TTBK2: variants seen among roughly 807,000 people sequenced by gnomAD.
TTBK2 encodes the protein tau-tubulin kinase 2.
In TTBK2, 28 loss-of-function variants were observed where a neutral mutation model predicts 110.8. The ratio of observed to expected loss-of-function variants is 0.25; its 90% CI spans 0.19 to 0.35. The LOEUF is 0.35. Ranked by LOEUF, TTBK2 falls within the 10% of genes least tolerant of loss-of-function variation. The pLI is 1.00. For synonymous variants in TTBK2, 532 were observed against 527.3 expected (o/e 1.01, Z -0.12); for missense variants, 1,369 against 1,500.3 (o/e 0.91, Z 1.45).
chr15:42,760,393 A>C (rs951777828), intron 13 of TTBK2, among the ~76,000 whole-genome samples: 3 of 150,754 alleles, frequency 2.0e-5, no homozygotes, highest in Non-Finnish European at 4.4e-5. Context: ...TCAAAAAAAA[A>C]AAAAAAAAAA....
intron 10 of TTBK2, among the ~76,000 whole-genome samples, chr15:42,789,303 G>C (rs12904915): frequency 4.0e-5 from 6 of 149,736 alleles, no homozygotes; most frequent in African/African-American, 1.5e-4. Flanking sequence ...GTGTGTGTGT[G>C]TATATATATA....
At chr15:42,917,677 T>C (rs780287317) in intron 1 of TTBK2, among the ~76,000 whole-genome samples, 31 of 150,416 alleles carry the variant, frequency 2.1e-4, no homozygotes, top group Non-Finnish European at 4.1e-4. Flanking sequence ...TACAATATGC[T>C]GGATGACAAA....
At chr15:42,872,215 C>T (rs544915537) in intron 3 of TTBK2, among the ~76,000 whole-genome samples, 1 of 152,282 alleles carries the variant, frequency 6.6e-6, no homozygotes, top group South Asian at 2.1e-4. Context: ...GATTTGAAGG[C>T]AGCTTCCTTA....
intron 7 of TTBK2, among the ~76,000 whole-genome samples, chr15:42,815,377 T>C (rs768171990): frequency 6.6e-6 from 1 of 152,102 alleles, no homozygotes; most frequent in African/African-American, 2.4e-5. Flanking sequence ...CTATCATATA[T>C]TGGTCAAGTT....
chr15:42,809,124 A>G (rs1362592245), intron 9 of TTBK2, among the ~76,000 whole-genome samples: 1 of 152,220 alleles, frequency 6.6e-6, no homozygotes, highest in African/African-American at 2.4e-5. Context: ...TTTTTCAATT[A>G]TCCTTCTCCT....
chr15:42,771,098 C>T (rs549525792), intron 13 of TTBK2, among the ~76,000 whole-genome samples: 97 of 152,122 alleles, frequency 6.4e-4, no homozygotes, highest in African/African-American at 2.1e-3. Context: ...CCTCAGCCTC[C>T]GGAGTAGCCG....
intron 10 of TTBK2, among the ~76,000 whole-genome samples, chr15:42,785,059 A>T (rs1317048326): frequency 6.6e-6 from 1 of 152,096 alleles, no homozygotes; most frequent in African/African-American, 2.4e-5. Flanking sequence ...GTGTCAGATC[A>T]ATCAGCTATG....
chr15:42,895,177 T>C (rs1016240641), intron 1 of TTBK2, among the ~76,000 whole-genome samples: 5 of 152,338 alleles, frequency 3.3e-5, no homozygotes, highest in African/African-American at 1.2e-4. Context: ...CTCTAAAATC[T>C]ATGTGGATAA....
chr15:42,809,599 T>C (rs1031582870), intron 9 of TTBK2, among the ~76,000 whole-genome samples: 1 of 152,154 alleles, frequency 6.6e-6, no homozygotes, highest in African/African-American at 2.4e-5. Flanking sequence ...AGAAAATACA[T>C]ACAAAAGACA....
chr15:42,767,737 A>G (rs1889452682), intron 13 of TTBK2, among the ~76,000 whole-genome samples: 1 of 152,208 alleles, frequency 6.6e-6, no homozygotes, highest in Non-Finnish European at 1.5e-5. Context: ...ATAGAAAAAG[A>G]GGGCACCCTC....
intron 9 of TTBK2, among the ~76,000 whole-genome samples, chr15:42,795,556 C>G (rs1314384828): frequency 1.3e-5 from 2 of 152,118 alleles, no homozygotes; most frequent in African/African-American, 4.8e-5. Context: ...TGAGATTCAT[C>G]TTGTACATTT....
intron 13 of TTBK2, among the ~76,000 whole-genome samples, chr15:42,755,482 G>C (rs755214817): frequency 7.9e-5 from 12 of 151,774 alleles, no homozygotes; most frequent in Non-Finnish European, 1.2e-4. Flanking sequence ...GACATGTAAA[G>C]CTTGTCCTAA....
chr15:42,839,826 T>G (rs1309544689), intron 4 of TTBK2, among the ~76,000 whole-genome samples: 1 of 152,198 alleles, frequency 6.6e-6, no homozygotes, highest in East Asian at 1.9e-4. Flanking sequence ...TGGGACCCCT[T>G]CTTCACCTTC....
intron 10 of TTBK2, 148 bp from the exon 11 acceptor site, chr15:42,783,783 C>T (rs554464959): frequency 2.9e-5 from 21 of 730,364 alleles, no homozygotes; most frequent in African/African-American, 2.7e-4. Context: ...TTAGGTTGGC[C>T]GGGCATGGTG....
chr15:42,884,931 C>T (rs1156272316), intron 1 of TTBK2, among the ~76,000 whole-genome samples: 2 of 151,826 alleles, frequency 1.3e-5, no homozygotes, highest in African/African-American at 4.8e-5. Flanking sequence ...TCTTTGTAAT[C>T]TCCCCCACGC....
intron 3 of TTBK2, among the ~76,000 whole-genome samples, chr15:42,845,938 T>C (rs527910961): frequency 6.6e-6 from 1 of 152,286 alleles, no homozygotes; most frequent in African/African-American, 2.4e-5. Flanking sequence ...AGTATTTATG[T>C]ACCTAAACGT....
chr15:42,758,616 T>C (rs1036133193), intron 13 of TTBK2, among the ~76,000 whole-genome samples: 31 of 143,904 alleles, frequency 2.2e-4, no homozygotes, highest in Admixed American at 2.1e-4. Flanking sequence ...GATCGCACCA[T>C]TGCACTCCAG....
Position 42,795,879 on chromosome 15 carries a change from T to C in TTBK2, c.823-1078A>G, listed in dbSNP as rs1890917958. 2.0e-5 allele frequency among the ~76,000 whole-genome samples: 3 copies of C among 151,218 alleles called. 1 individual carries two copies. Among genetic ancestry groups the C allele is most frequent in the South Asian group, 4.2e-4 (2 of 4,790 alleles). ...AAAAAAAAAAGATTACTTCAGCTAT[T>C]AAGTGGTCAATAGATGCCATAAACA... is the stretch of plus-strand genomic sequence containing the variant. On this transcript the variant is annotated intron_variant, in intron 9 of 14. Coordinates refer to ENST00000267890, the MANE Select transcript of TTBK2 (RefSeq NM_173500.4).
intron 13 of TTBK2, among the ~76,000 whole-genome samples, chr15:42,754,644 A>G: frequency 7.0e-6 from 1 of 142,666 alleles, no homozygotes. Flanking sequence ...TGATCCACCC[A>G]CCTCGGCCTC....
Sources: allele counts gnomAD v4.1 joint callset (sites outside exome capture counted in the v4.1 genomes callset), GRCh38; gene constraint gnomAD v4.1.1; transcripts MANE v1.5; gene names NCBI Gene and HGNC (gene_info 2026-07-23, HGNC 2026-07-21).